The following SLCO3A1 variants were observed in gnomAD, a reference collection of about 807,000 sequenced individuals.
The protein encoded by SLCO3A1 is solute carrier organic anion transporter family member 3A1.
SLCO3A1 carries 27 observed loss-of-function variants against 63.1 expected under a neutral mutation model. That is an observed-to-expected ratio of 0.43 (90% confidence interval 0.32 to 0.59). The LOEUF (loss-of-function observed/expected upper bound fraction) is 0.59, where lower values mean the gene tolerates loss of function less well. SLCO3A1 is among the 20% of genes least tolerant of loss of function. SLCO3A1 has a pLI of 0.09. For missense variants in SLCO3A1, 773 were observed against 945.8 expected (o/e 0.82, Z 2.40); for synonymous variants, 473 against 409.9 (o/e 1.15, Z -1.86).
chr15:92,117,975 A>T (rs930470762), intron 4 of SLCO3A1, among the ~76,000 whole-genome samples: 1 of 152,256 alleles, frequency 6.6e-6, no homozygotes. Flanking sequence ...ATTTACATAT[A>T]GGTGTTATAA....
intron 2 of SLCO3A1, among the ~76,000 whole-genome samples, chr15:91,960,811 CACTT>C (rs1900417489): frequency 1.3e-5 from 2 of 152,212 alleles, no homozygotes; most frequent in South Asian, 4.2e-4. Flanking sequence ...TATATATAGT[CACTT>C]ACAAGTTGAG....
chr15:92,003,928 C>G (rs1309944663), intron 2 of SLCO3A1, among the ~76,000 whole-genome samples: 1 of 152,194 alleles, frequency 6.6e-6, no homozygotes, highest in Non-Finnish European at 1.5e-5. Flanking sequence ...GCAGAAGGGC[C>G]ATGCTCACAC....
rs553439747 is a variant in SLCO3A1 at position 91,950,229 on chromosome 15, G to A, written c.646+33771G>A. On this transcript the variant is annotated intron_variant, in intron 2 of 9. Transcript: ENST00000318445. This position sits in a 1 kb window ranked among gnomAD's most constrained non-coding sequence, Gnocchi z 4.4. ...GATGGTATGGAGTCTGCATGCTCAG[G>A]GCTGCCTGCTGTGGCCAGAGATTCG... is the stretch of plus-strand genomic sequence containing the variant. Among the ~76,000 whole-genome samples the A allele has an allele frequency of 9.9e-5, 15 of 152,284 alleles. No homozygotes were observed. The South Asian group carries it at 2.7e-3, about 27-fold the overall frequency.
At chr15:92,053,945 T>G (rs1818350788) in intron 2 of SLCO3A1, among the ~76,000 whole-genome samples, 1 of 152,186 alleles carries the variant, frequency 6.6e-6, no homozygotes, top group Admixed American at 6.5e-5. Context: ...GAGTAGGAGT[T>G]GGGCTCCACC....
At position 91,916,035 on chromosome 15, in the gene SLCO3A1, A is replaced by G; in HGVS notation, c.223A>G (p.Ser75Gly). ...CCTGGAGCGTAGGTTCAACCTGCAG[A>G]GCGCTGACGTGGGTGTGATCGCTAG... is the stretch of plus-strand genomic sequence containing the variant. ...TTLERRFNLQ[S>G]ADVGVIASSF... The change falls in exon 2 of 10, where the codon AGC becomes GGC. Residue 75 changes from serine (S) to glycine (G), a missense_variant. Transcript: ENST00000318445. The surrounding 1 kb of genome is among the most constrained non-coding windows in gnomAD (Gnocchi z 6.2). The G allele has an allele frequency of 2.5e-6, 4 of 1,613,294 alleles. No individual in the cohort carries two copies. The highest frequency in any genetic ancestry group is 3.4e-6 in the Non-Finnish European group (4 of 1,179,958).
intron 7 of SLCO3A1, among the ~76,000 whole-genome samples, chr15:92,136,505 C>A (rs936786184): frequency 6.6e-5 from 10 of 152,258 alleles, no homozygotes; most frequent in African/African-American, 2.4e-4. Context: ...TTTTTGTGGT[C>A]TCTAGCCTTC....
intron 7 of SLCO3A1, among the ~76,000 whole-genome samples, chr15:92,130,679 G>A (rs535619861): frequency 6.6e-6 from 1 of 152,238 alleles, no homozygotes; most frequent in East Asian, 1.9e-4. Context: ...GGGGCCTTCC[G>A]TGTGTCACTC....
chr15:91,937,647 AG>A (rs1274183332), intron 2 of SLCO3A1, among the ~76,000 whole-genome samples: 1 of 151,032 alleles, frequency 6.6e-6, no homozygotes, highest in Non-Finnish European at 1.5e-5. Flanking sequence ...TGAACCCAGG[AG>A]GCAAAGGTTG....
chr15:92,129,731 T>C (rs1206042567), intron 7 of SLCO3A1, among the ~76,000 whole-genome samples: 1 of 152,192 alleles, frequency 6.6e-6, no homozygotes, highest in Non-Finnish European at 1.5e-5. Flanking sequence ...CTACATCTTA[T>C]ATCTTTCAGG....
At chr15:92,117,889 C>T (rs2047814919) in intron 4 of SLCO3A1, among the ~76,000 whole-genome samples, 1 of 152,244 alleles carries the variant, frequency 6.6e-6, no homozygotes, top group Non-Finnish European at 1.5e-5. Context: ...TTAAATATTT[C>T]ACAGTCAGGA....
At chr15:92,167,101 T>C (rs1029479729), downstream of SLCO3A1, among the ~76,000 whole-genome samples, 1 of 152,246 alleles carries the variant, frequency 6.6e-6, no homozygotes, top group Non-Finnish European at 1.5e-5. Context: ...TTTTATTTGA[T>C]TTGGTTTAGA....
intron 4 of SLCO3A1, among the ~76,000 whole-genome samples, chr15:92,119,953 A>G (rs2047842422): frequency 6.6e-6 from 1 of 152,228 alleles, no homozygotes; most frequent in South Asian, 2.1e-4. Flanking sequence ...GGAGAGCACA[A>G]GAATTTCATA....
At position 92,147,180 on chromosome 15, in the gene SLCO3A1, C is replaced by G. The variant is rs370549684; in HGVS notation, c.1688+21C>G. ...ATCAGGTAAGCCCTCGGCACAGCCCCGCCTCTCCTCCTTTCCACCTGGTGT... is the reference window on the plus strand; with the variant it reads ...ATCAGGTAAGCCCTCGGCACAGCCCGGCCTCTCCTCCTTTCCACCTGGTGT... On this transcript the variant is annotated intron_variant, in intron 8 of 9. Transcript: ENST00000318445. 3.8e-6 allele frequency: 6 copies of G among 1,597,062 alleles called. No homozygotes were observed. The South Asian group carries it at 6.8e-5, about 18-fold the overall frequency.
intron 10 of SLCO3A1, chr15:92,171,321 A>G (rs1369568337): frequency 6.5e-6 from 1 of 153,948 alleles, no homozygotes; most frequent in African/African-American, 2.4e-5. Context: ...TGGCTACACA[A>G]AAAAACAAAC....
At chr15:91,960,305 C>T (rs1368978700) in intron 2 of SLCO3A1, among the ~76,000 whole-genome samples, 1 of 152,192 alleles carries the variant, frequency 6.6e-6, no homozygotes, top group Non-Finnish European at 1.5e-5. Context: ...TTATGACTGC[C>T]TTCTTTCACC....
chr15:91,987,918 T>C (rs543835136), intron 2 of SLCO3A1, among the ~76,000 whole-genome samples: 100 of 152,044 alleles, frequency 6.6e-4, no homozygotes, highest in African/African-American at 2.3e-3. Flanking sequence ...GGGGTCCTCG[T>C]GGCCACGTGG....
At chr15:92,101,123 G>C (rs1315980140) in intron 3 of SLCO3A1, among the ~76,000 whole-genome samples, 1 of 152,158 alleles carries the variant, frequency 6.6e-6, no homozygotes, top group Non-Finnish European at 1.5e-5. Context: ...AATATCCCTA[G>C]TTCTGAAACA....
chr15:91,961,998 T>C (rs925875349), intron 2 of SLCO3A1, among the ~76,000 whole-genome samples: 1 of 152,156 alleles, frequency 6.6e-6, no homozygotes, highest in Non-Finnish European at 1.5e-5. Flanking sequence ...TGGGGAGAAT[T>C]ATTCAAGGTC....
At chr15:92,084,286 A>G (rs2047380301) in intron 2 of SLCO3A1, among the ~76,000 whole-genome samples, 1 of 152,246 alleles carries the variant, frequency 6.6e-6, no homozygotes, top group Admixed American at 6.5e-5. Context: ...CTGCTGTTAG[A>G]GGCACCAGTA....
Sources: gnomAD v4.1 joint callset for allele counts (sites outside exome capture counted in the v4.1 genomes callset) on GRCh38, gnomAD v4.1.1 for gene constraint, Gnocchi (gnomAD v3.1) non-coding constraint, MANE v1.5 for transcripts, NCBI Gene and HGNC (gene_info 2026-07-23, HGNC 2026-07-21) for gene names.